CNTN4: variants seen among roughly 807,000 people sequenced by gnomAD.
The protein encoded by CNTN4 is contactin-4.
A neutral mutation model predicts 122.5 loss-of-function variants in CNTN4; 77 were observed. The observed-to-expected ratio is 0.63, with a 90% CI of 0.52 to 0.76. The LOEUF (loss-of-function observed/expected upper bound fraction) is 0.76, where lower values mean the gene tolerates loss of function less well. CNTN4 is among the 30% of genes least tolerant of loss of function. The pLI, the probability that CNTN4 is intolerant of heterozygous loss-of-function variation, is 0.00. For synonymous variants in CNTN4, 512 were observed against 447.0 expected (o/e 1.15, Z -1.83); for missense variants, 1,256 against 1,259.1 (o/e 1.00, Z 0.04).
At chr3:2,400,692 T>A (rs992554354) in intron 3 of CNTN4, among the ~76,000 whole-genome samples, 1 of 150,810 alleles carries the variant, frequency 6.6e-6, no homozygotes, top group Non-Finnish European at 1.5e-5. Context: ...CTATTATAAT[T>A]TTTTAAATAT....
At chr3:2,750,428 T>G (rs2090035104) in intron 6 of CNTN4, among the ~76,000 whole-genome samples, 2 of 152,248 alleles carry the variant, frequency 1.3e-5, no homozygotes, top group Non-Finnish European at 2.9e-5. Flanking sequence ...TAAGTTGAAT[T>G]AATTCACATA....
At chr3:2,603,700 C>T (rs745679949) in intron 4 of CNTN4, among the ~76,000 whole-genome samples, 3 of 152,118 alleles carry the variant, frequency 2.0e-5, no homozygotes, top group Admixed American at 1.3e-4. Flanking sequence ...AAAAACAGCC[C>T]GTTATGGGCT....
intron 4 of CNTN4, among the ~76,000 whole-genome samples, chr3:2,705,823 A>T (rs2086675215): frequency 9.3e-6 from 1 of 107,368 alleles, no homozygotes; most frequent in African/African-American, 3.9e-5. Flanking sequence ...TATAATATAT[A>T]ATAAATATAT....
At chr3:2,703,051 G>A (rs1030882631) in intron 4 of CNTN4, among the ~76,000 whole-genome samples, 1 of 152,120 alleles carries the variant, frequency 6.6e-6, no homozygotes, top group Non-Finnish European at 1.5e-5. Flanking sequence ...GGTTTTACAG[G>A]TAGTATCTAA....
At chr3:2,242,492 A>T (rs973472026) in intron 2 of CNTN4, among the ~76,000 whole-genome samples, 1 of 152,148 alleles carries the variant, frequency 6.6e-6, no homozygotes, top group Admixed American at 6.5e-5. Flanking sequence ...CAGGTTTGTT[A>T]CATAGGTAAA....
intron 4 of CNTN4, among the ~76,000 whole-genome samples, chr3:2,611,331 A>G (rs1438929133): frequency 2.0e-5 from 3 of 150,858 alleles, no homozygotes; most frequent in Admixed American, 6.7e-5. Context: ...GAAAGAAACA[A>G]AAACAAAAAA....
chr3:2,349,955 C>T (rs1028097452), intron 3 of CNTN4, among the ~76,000 whole-genome samples: 1 of 152,132 alleles, frequency 6.6e-6, no homozygotes, highest in Non-Finnish European at 1.5e-5. Flanking sequence ...ATGATATTAA[C>T]ATATCTCTGA....
rs1212131686 is a variant in CNTN4 at position 2,761,031 on chromosome 3, A to G, written c.358+15334A>G. Among the ~76,000 whole-genome samples the G allele has an allele frequency of 6.6e-5, 10 of 152,312 alleles. No individual in the cohort carries two copies. The East Asian group carries it at 1.2e-3, about 18-fold the overall frequency. Reference sequence around the variant, plus strand: ...TAAATAAGCAAGAGGACCATTTAACATTGTCCAGCTGGGCTCCATTTCTAA... The same window carrying G: ...TAAATAAGCAAGAGGACCATTTAACGTTGTCCAGCTGGGCTCCATTTCTAA... On this transcript the variant is annotated intron_variant, in intron 6 of 24. Transcript: ENST00000418658.
At chr3:2,158,793 A>G (rs191983099) in intron 2 of CNTN4, among the ~76,000 whole-genome samples, 4 of 152,276 alleles carry the variant, frequency 2.6e-5, no homozygotes, top group African/African-American at 9.6e-5. Flanking sequence ...TAGATCTTCA[A>G]TTTCTGCAGA....
At chr3:2,438,021 G>T (rs1252614207) in intron 3 of CNTN4, among the ~76,000 whole-genome samples, 1 of 152,090 alleles carries the variant, frequency 6.6e-6, no homozygotes, top group African/African-American at 2.4e-5. Flanking sequence ...GGGATGCCCT[G>T]CCTCCAGCCA....
intron 8 of CNTN4, among the ~76,000 whole-genome samples, chr3:2,869,046 A>C (rs983811714): frequency 6.6e-6 from 1 of 152,314 alleles, no homozygotes; most frequent in Admixed American, 6.5e-5. Flanking sequence ...CACGAAGAAC[A>C]GTTGAGCGTG....
At chr3:2,727,275 A>G (rs1638522741) in intron 4 of CNTN4, among the ~76,000 whole-genome samples, 1 of 152,240 alleles carries the variant, frequency 6.6e-6, no homozygotes, top group Non-Finnish European at 1.5e-5. Context: ...CTGGGTCAGC[A>G]CTGCATAATC....
At chr3:2,315,032 T>A (rs1379655267) in intron 2 of CNTN4, among the ~76,000 whole-genome samples, 1 of 152,066 alleles carries the variant, frequency 6.6e-6, no homozygotes, top group Non-Finnish European at 1.5e-5. Flanking sequence ...TAAGAGTTTT[T>A]AATTTAAATA....
intron 2 of CNTN4, among the ~76,000 whole-genome samples, chr3:2,253,928 T>C (rs2040473203): frequency 6.6e-6 from 1 of 152,162 alleles, no homozygotes. Context: ...CTGGGATACA[T>C]GTGCAGAACA....
At chr3:2,620,502 A>C in intron 4 of CNTN4, among the ~76,000 whole-genome samples, 1 of 151,484 alleles carries the variant, frequency 6.6e-6, no homozygotes, top group Admixed American at 6.6e-5. Context: ...CCTGTATCCA[A>C]AAATATATAT....
intron 3 of CNTN4, among the ~76,000 whole-genome samples, chr3:2,380,193 C>T (rs2045966105): frequency 6.6e-6 from 1 of 152,072 alleles, no homozygotes; most frequent in African/African-American, 2.4e-5. Flanking sequence ...TGTGTTTTCA[C>T]AGAAGTTAGG....
chr3:2,754,459 T>C (rs2090237168), intron 6 of CNTN4, among the ~76,000 whole-genome samples: 2 of 152,198 alleles, frequency 1.3e-5, no homozygotes, highest in South Asian at 4.1e-4. Flanking sequence ...GGTATTATTC[T>C]GGAGGAAGCA....
intron 4 of CNTN4, among the ~76,000 whole-genome samples, chr3:2,703,011 T>G (rs1011965499): frequency 6.6e-6 from 1 of 152,208 alleles, no homozygotes; most frequent in African/African-American, 2.4e-5. Context: ...TCTGTAAGTT[T>G]TCAAATGAAA....
chr3:2,849,242 C>T (rs1016347508), intron 7 of CNTN4, among the ~76,000 whole-genome samples: 1 of 152,142 alleles, frequency 6.6e-6, no homozygotes, highest in African/African-American at 2.4e-5. Context: ...AATAGGCCCA[C>T]ATGAAGCATT....
Sources: allele counts gnomAD v4.1 joint callset (sites outside exome capture counted in the v4.1 genomes callset), GRCh38; gene constraint gnomAD v4.1.1; transcripts MANE v1.5; gene names NCBI Gene and HGNC (gene_info 2026-07-23, HGNC 2026-07-21).